The following UPP2 variants were observed in gnomAD, a reference collection of about 807,000 sequenced individuals.
UPP2 encodes the protein UPase 2.
In UPP2, 23 loss-of-function variants were observed where a neutral mutation model predicts 26.7. The ratio of observed to expected loss-of-function variants is 0.86; its 90% CI spans 0.62 to 1.22. UPP2 has a LOEUF of 1.22. UPP2 is among the 50% of genes most tolerant of loss of function. The pLI, the probability that UPP2 is intolerant of heterozygous loss-of-function variation, is 0.00. For missense variants in UPP2, 387 were observed against 396.7 expected (o/e 0.98, Z 0.21); for synonymous variants, 127 against 141.3 (o/e 0.90, Z 0.72).
At chr2:158,091,053 A>C (rs1274373923) in intron 3 of UPP2, among the ~76,000 whole-genome samples, 1 of 152,242 alleles carries the variant, frequency 6.6e-6, no homozygotes, top group African/African-American at 2.4e-5. Context: ...CTCCAGTGAG[A>C]AACGGAAGTA....
At position 158,090,021 on chromosome 2, in the gene UPP2, A is replaced by G. The variant is rs532528775; in HGVS notation, c.148-12019A>G. Among the ~76,000 whole-genome samples the G allele has an allele frequency of 1.6e-3, 246 of 150,630 alleles. 2 individuals are homozygous for G. The highest frequency in any genetic ancestry group is 2.5e-3 in the Non-Finnish European group (170 of 67,722). On this transcript the variant is annotated intron_variant, in intron 3 of 9. Coordinates refer to the UPP2 transcript ENST00000605860. ...AAATTAGTCCTGCCTCCTATCCTCC[A>G]TTTTCCCCAAGATCTAGTATTTGAT...
At chr2:158,121,743 T>A in intron 5 of UPP2, 125 bp downstream of exon 5, 1 of 851,250 alleles carries the variant, frequency 1.2e-6, no homozygotes, top group South Asian at 1.8e-5. Flanking sequence ...AAAAAGGAAA[T>A]GAAACAGCCT....
intron 3 of UPP2, among the ~76,000 whole-genome samples, chr2:158,080,198 TTTA>T (rs1191559199): frequency 2.0e-5 from 3 of 152,180 alleles, no homozygotes; most frequent in Admixed American, 1.3e-4. Flanking sequence ...AATTTTATCT[TTTA>T]TTATGTGCTT....
chr2:158,074,955 A>G (rs1021851934), intron 3 of UPP2, among the ~76,000 whole-genome samples: 1 of 152,102 alleles, frequency 6.6e-6, no homozygotes, highest in Non-Finnish European at 1.5e-5. Context: ...TGGAAACCAA[A>G]AAAAGAGCAG....
At position 158,090,274 on chromosome 2, in the gene UPP2, G is replaced by A. The variant is rs111507700; in HGVS notation, c.148-11766G>A. 3.9e-3 allele frequency among the ~76,000 whole-genome samples: 596 copies of A among 152,210 alleles called. 7 individuals are homozygous for A. Among genetic ancestry groups the A allele is most frequent in the African/African-American group, 0.013 (555 of 41,524 alleles). ...TCCCAGCACTTTGGGAGGCCGAGGC[G>A]GGCGGATCACGAGGTCGGGGATCTA... On this transcript the variant is annotated intron_variant, in intron 3 of 9. Coordinates refer to the UPP2 transcript ENST00000605860.
chr2:158,062,231 A>G (rs1420312797), intron 3 of UPP2, among the ~76,000 whole-genome samples: 1 of 152,236 alleles, frequency 6.6e-6, no homozygotes, highest in Non-Finnish European at 1.5e-5. Context: ...CTTGAGCCAT[A>G]CATAGTTATT....
At chr2:158,092,099 G>A (rs1247421407) in intron 3 of UPP2, among the ~76,000 whole-genome samples, 6 of 152,130 alleles carry the variant, frequency 3.9e-5, no homozygotes, top group African/African-American at 1.4e-4. Context: ...CAAATTGAAT[G>A]TATAAAAGGG....
At chr2:158,056,725 C>T (rs1005477059) in intron 3 of UPP2, among the ~76,000 whole-genome samples, 9 of 152,192 alleles carry the variant, frequency 5.9e-5, no homozygotes, top group Non-Finnish European at 1.3e-4. Flanking sequence ...GGACGGCAGT[C>T]GTACTGGATT....
At chr2:158,013,533 CT>C (rs1683612491) in intron 2 of UPP2, among the ~76,000 whole-genome samples, 1 of 152,186 alleles carries the variant, frequency 6.6e-6, no homozygotes, top group Non-Finnish European at 1.5e-5. Flanking sequence ...TCATTTGTGA[CT>C]TTTTCTCTCT....
At chr2:158,072,466 T>C (rs1236075002) in intron 3 of UPP2, among the ~76,000 whole-genome samples, 5 of 152,138 alleles carry the variant, frequency 3.3e-5, no homozygotes, top group African/African-American at 1.2e-4. Context: ...TGTAGAACCC[T>C]AGGGCCTTGA....
At chr2:158,058,760 T>A (rs551526525) in intron 3 of UPP2, among the ~76,000 whole-genome samples, 1 of 147,156 alleles carries the variant, frequency 6.8e-6, no homozygotes, top group South Asian at 2.1e-4. Flanking sequence ...CAGCCATTTG[T>A]TTTGAGGGAA....
intron 3 of UPP2, among the ~76,000 whole-genome samples, chr2:158,023,019 G>C (rs1683776942): frequency 6.6e-6 from 1 of 151,844 alleles, no homozygotes. Context: ...GGATGATCTG[G>C]GTGAAGTCTC....
intron 3 of UPP2, among the ~76,000 whole-genome samples, chr2:158,088,527 G>C (rs1445853306): frequency 6.6e-6 from 1 of 152,204 alleles, no homozygotes; most frequent in Non-Finnish European, 1.5e-5. Flanking sequence ...TGGTGAGCCA[G>C]TGTGATCTTT....
intron 3 of UPP2, among the ~76,000 whole-genome samples, chr2:158,096,006 A>C (rs1361008977): frequency 3.3e-5 from 5 of 152,188 alleles, no homozygotes; most frequent in Non-Finnish European, 7.3e-5. Flanking sequence ...TAAAAATTGA[A>C]GTCAAGTACA....
intron 3 of UPP2, among the ~76,000 whole-genome samples, chr2:158,032,059 A>G (rs779776695): frequency 4.6e-5 from 7 of 152,174 alleles, no homozygotes; most frequent in African/African-American, 9.6e-5. Context: ...AGCTGCCGGA[A>G]TGGTACAGGG....
intron 1 of UPP2, 97 bp downstream of exon 1, chr2:158,102,222 A>T: frequency 1.5e-6 from 2 of 1,292,508 alleles, no homozygotes; most frequent in Non-Finnish European, 2.1e-6. Flanking sequence ...CAGTTAAGCA[A>T]ATTTCTTAAA....
chr2:158,068,161 C>T (rs1480910753), intron 3 of UPP2, among the ~76,000 whole-genome samples: 3 of 152,144 alleles, frequency 2.0e-5, no homozygotes, highest in South Asian at 2.1e-4. Context: ...TGATAGAAAT[C>T]TCTACAACCT....
chr2:158,077,194 A>C (rs914713040), intron 3 of UPP2, among the ~76,000 whole-genome samples: 1 of 152,174 alleles, frequency 6.6e-6, no homozygotes, highest in African/African-American at 2.4e-5. Flanking sequence ...ATTCCGTTTC[A>C]TAGATCGGAA....
intron 3 of UPP2, among the ~76,000 whole-genome samples, chr2:158,048,356 A>T (rs962107033): frequency 6.6e-6 from 1 of 152,236 alleles, no homozygotes; most frequent in Non-Finnish European, 1.5e-5. Flanking sequence ...CTGTGATCCC[A>T]GCACTTTGGG....
Sources: allele counts gnomAD v4.1 joint callset (sites outside exome capture counted in the v4.1 genomes callset), GRCh38; gene constraint gnomAD v4.1.1; transcripts MANE v1.5; gene names NCBI Gene and HGNC (gene_info 2026-07-23, HGNC 2026-07-21).